EFCAB6: variants seen among roughly 807,000 people sequenced by gnomAD.
EFCAB6 encodes EF-hand calcium-binding domain-containing protein 6.
Under a neutral mutation model 169.8 loss-of-function variants are expected in EFCAB6, and 156 were observed. The observed-to-expected ratio is 0.92, with a 90% CI of 0.81 to 1.05. EFCAB6 has a LOEUF of 1.05. Among genes scored for constraint, EFCAB6 ranks in the 50% least tolerant of loss-of-function variants. The pLI is 0.00. For synonymous variants in EFCAB6, 698 were observed against 676.4 expected, an observed-to-expected ratio of 1.03 and a Z score of -0.50; for missense variants, 1,800 against 1,829.1, an observed-to-expected ratio of 0.98 and a Z score of 0.29.
At chr22:43,581,861 C>T (rs1447784951) in intron 24 of EFCAB6, among the ~76,000 whole-genome samples, 2 of 152,218 alleles carry the variant, frequency 1.3e-5, no homozygotes, top group East Asian at 3.8e-4. Flanking sequence ...ACTATTTCAT[C>T]AGCGGGATAA....
chr22:43,598,962 A>C (rs1357559665), intron 23 of EFCAB6, among the ~76,000 whole-genome samples: 2 of 152,238 alleles, frequency 1.3e-5, no homozygotes, highest in East Asian at 1.9e-4. Context: ...AGTTTTAAAA[A>C]TGGAAAGGAA....
chr22:43,749,433 A>G (rs2060677815), intron 6 of EFCAB6, among the ~76,000 whole-genome samples: 1 of 152,038 alleles, frequency 6.6e-6, no homozygotes, highest in Admixed American at 6.6e-5. Context: ...AGTTTTGTGG[A>G]AGACAATTTT....
chr22:43,578,716 T>C (rs1200959489), intron 25 of EFCAB6, among the ~76,000 whole-genome samples: 1 of 151,952 alleles, frequency 6.6e-6, no homozygotes, highest in African/African-American at 2.4e-5. Context: ...GCAGGCATCA[T>C]TCCATACACA....
chr22:43,718,802 A>C (rs1215780923), intron 8 of EFCAB6, among the ~76,000 whole-genome samples: 15 of 152,086 alleles, frequency 9.9e-5, no homozygotes, highest in Admixed American at 9.8e-4. Context: ...TAATAATAAT[A>C]ATATCAACAA....
intron 26 of EFCAB6, among the ~76,000 whole-genome samples, chr22:43,555,410 T>C (rs137161): frequency 0.74 from 112,774 of 152,144 alleles, 41,942 homozygotes; most frequent in Admixed American, 0.8. Context: ...CATCTATTCA[T>C]GCCTTCAGGC....
Position 43,731,707 on chromosome 22 carries a change from C to A in EFCAB6, c.749G>T (p.Gly250Val). Residue 250 changes from glycine to valine, a missense_variant, in exon 8 of 32, where the codon GGA becomes GTA. By Grantham distance (109) the Gly-to-Val change is moderately radical. Transcript: ENST00000262726. ...NNDLNLRYCM[G>V]NQEVSLENQQ... ...ACTTTAAAAATACTTACCTTGATTT[C>A]CCATACAATATCTAAGGTTCAAGTC... 6.3e-7 allele frequency: 1 copy of A among 1,576,552 alleles called. No homozygotes were observed. Among genetic ancestry groups the A allele is most frequent in the South Asian group, 1.2e-5 (1 of 83,692 alleles).
At chr22:43,736,067 A>C (rs1356845983) in intron 6 of EFCAB6, 74 bp from the exon 7 acceptor site, 1 of 1,390,874 alleles carries the variant, frequency 7.2e-7, no homozygotes, top group Non-Finnish European at 9.5e-7. Flanking sequence ...AAAATGTGAA[A>C]GTTTTTTTTA....
At chr22:43,781,742 C>A (rs1362821067) in intron 3 of EFCAB6, among the ~76,000 whole-genome samples, 1 of 151,774 alleles carries the variant, frequency 6.6e-6, no homozygotes, top group Admixed American at 6.6e-5. Context: ...AGTATGGGTT[C>A]ATCGATTGTA....
chr22:43,699,914 A>G (rs1248793306), intron 10 of EFCAB6, among the ~76,000 whole-genome samples: 1 of 152,238 alleles, frequency 6.6e-6, no homozygotes, highest in South Asian at 2.1e-4. Flanking sequence ...ATGTGAGTGA[A>G]GACCTGCTCA....
rs1169811596 is a variant in EFCAB6 at position 43,594,356 on chromosome 22, G to T, written c.2877-4127C>A. ...AAGGTAGACAAAAAGTTGCTAGATG[G>T]ATTAAAAAACAAGACCCAACTATAT... On this transcript the variant is annotated intron_variant, in intron 23 of 31. Coordinates refer to ENST00000262726, the MANE Select transcript of EFCAB6 (RefSeq NM_022785.4). Among the ~76,000 whole-genome samples the T allele has an allele frequency of 2.0e-5, 3 of 151,556 alleles. No homozygotes were observed. In the East Asian group the frequency reaches 5.8e-4, roughly 29 times the overall value.
chr22:43,537,272 C>T lies in EFCAB6; in HGVS notation c.4048+105G>A. 4.2e-6 allele frequency: 6 copies of T among 1,414,260 alleles called. No individual in the cohort carries two copies. The South Asian group carries it at 8.2e-5, about 19-fold the overall frequency. 87.6% of individuals were successfully genotyped at this position (1,414,260 alleles called of 1,614,324 possible). On this transcript the variant is annotated intron_variant, in intron 29 of 31. Coordinates refer to ENST00000262726, the MANE Select transcript of EFCAB6 (RefSeq NM_022785.4). The surrounding 1 kb of genome is among the most constrained non-coding windows in gnomAD (Gnocchi z 4.3). ...AAGTTCCCACCAGTTTCCTGTTCTG[C>T]TGCTCCCTGGCCTCCACCCGGGGTG...
chr22:43,707,296 G>C (rs761944001), intron 10 of EFCAB6, among the ~76,000 whole-genome samples: 2 of 152,056 alleles, frequency 1.3e-5, no homozygotes, highest in Non-Finnish European at 2.9e-5. Context: ...GAATGAAATG[G>C]GAAGACCCAA....
intron 17 of EFCAB6, among the ~76,000 whole-genome samples, chr22:43,646,887 G>A (rs1042672038): frequency 2.6e-5 from 4 of 152,144 alleles, no homozygotes; most frequent in South Asian, 2.1e-4. Flanking sequence ...TGATAGAATC[G>A]TTGGAAATGT....
chr22:43,683,982 C>T (rs1057237371), intron 11 of EFCAB6, 127 bp from the exon 12 acceptor site: 10 of 681,490 alleles, frequency 1.5e-5, no homozygotes, highest in Non-Finnish European at 2.0e-5. Flanking sequence ...GCTCTTTTTC[C>T]TGACAGTGTG....
intron 6 of EFCAB6, among the ~76,000 whole-genome samples, chr22:43,746,086 C>T (rs904817415): frequency 6.6e-6 from 1 of 152,190 alleles, no homozygotes; most frequent in African/African-American, 2.4e-5. Context: ...AGACTACATT[C>T]AGAACCTCAT....
chr22:43,555,191 A>G, intron 26 of EFCAB6, 95 bp from the exon 27 acceptor site: 1 of 1,332,358 alleles, frequency 7.5e-7, no homozygotes, highest in African/African-American at 1.4e-5. Flanking sequence ...AGGGAGACCC[A>G]GCGTGGTGGG....
At chr22:43,588,919 T>C (rs2051258901) in intron 24 of EFCAB6, among the ~76,000 whole-genome samples, 1 of 151,806 alleles carries the variant, frequency 6.6e-6, no homozygotes, top group South Asian at 2.1e-4. Flanking sequence ...AAACCAAAAC[T>C]GACGCAGCAA....
At chr22:43,663,692 T>C (rs1158319173) in intron 17 of EFCAB6, among the ~76,000 whole-genome samples, 1 of 152,210 alleles carries the variant, frequency 6.6e-6, no homozygotes, top group Non-Finnish European at 1.5e-5. Context: ...GACTGAATGT[T>C]TGTGTCTCCC....
At chr22:43,725,134 C>CT (rs33983375) in intron 8 of EFCAB6, among the ~76,000 whole-genome samples, 11,100 of 94,608 alleles carry the variant, frequency 0.12, 875 homozygotes, top group Middle Eastern at 0.18. Flanking sequence ...GCCAAACTGG[C>CT]TTTTTTTTTT....
Sources: allele counts gnomAD v4.1 joint callset (sites outside exome capture counted in the v4.1 genomes callset), GRCh38; gene constraint gnomAD v4.1.1; non-coding constraint Gnocchi (gnomAD v3.1); transcripts MANE v1.5; gene names NCBI Gene and HGNC (gene_info 2026-07-23, HGNC 2026-07-21).